TMEM114: variants seen among roughly 807,000 people sequenced by gnomAD.
TMEM114 encodes the protein claudin-26.
In TMEM114, 6 loss-of-function variants were observed where a neutral mutation model predicts 6.2. That is an observed-to-expected ratio of 0.97 (90% CI 0.53 to 1.91). The LOEUF (loss-of-function observed/expected upper bound fraction) is 1.91. Ranked by LOEUF, TMEM114 falls within the 40% of genes most tolerant of loss-of-function variation. TMEM114 has a pLI of 0.01. For missense variants in TMEM114, 218 were observed against 158.3 expected, an observed-to-expected ratio of 1.38 and a Z score of -2.02; for synonymous variants, 104 against 73.0, an observed-to-expected ratio of 1.42 and a Z score of -2.16.
intron 2 of TMEM114, among the ~76,000 whole-genome samples, chr16:8,560,489 C>T (rs947356571): frequency 2.0e-5 from 3 of 152,136 alleles, no homozygotes; most frequent in African/African-American, 4.8e-5. Flanking sequence ...CCATCCTCAG[C>T]GACTAGGGGC....
At chr16:8,529,221 T>C in the TMEM114 span, among the ~76,000 whole-genome samples, 3 of 152,174 alleles carry the variant, frequency 2.0e-5, no homozygotes, top group Non-Finnish European at 2.9e-5. Flanking sequence ...TTCTCTCTTA[T>C]CACTAGCTTT....
chr16:8,549,163 C>G (rs112126536), intron 2 of TMEM114, among the ~76,000 whole-genome samples: 15 of 115,094 alleles, frequency 1.3e-4, no homozygotes, highest in African/African-American at 5.2e-4. Context: ...GCCTGGGCAA[C>G]AGAACGAGAC....
At chr16:8,564,225 AT>A (rs1901427486) in intron 2 of TMEM114, among the ~76,000 whole-genome samples, 1 of 17,572 alleles carries the variant, frequency 5.7e-5, no homozygotes, top group Admixed American at 5.8e-4. Flanking sequence ...GAGTTAGTGA[AT>A]GAGTGAGTTA....
the TMEM114 span, among the ~76,000 whole-genome samples, chr16:8,529,747 C>T: frequency 1.8e-4 from 27 of 151,472 alleles, no homozygotes; most frequent in Non-Finnish European, 3.4e-4. Context: ...AAAAAAAAGT[C>T]CTGATGTCTC....
the TMEM114 span, among the ~76,000 whole-genome samples, chr16:8,531,380 C>A: frequency 0.12 from 18,504 of 152,198 alleles, 1,356 homozygotes; most frequent in Middle Eastern, 0.21. Context: ...CCATTCCAAC[C>A]CCCTCCTTGG....
the TMEM114 span, among the ~76,000 whole-genome samples, chr16:8,530,680 A>T: frequency 6.6e-6 from 1 of 151,892 alleles, no homozygotes; most frequent in Non-Finnish European, 1.5e-5. Context: ...GTTAACCAAT[A>T]GAGGAGGATG....
rs1345862942 is a variant in TMEM114, at chr16:8,569,899, G to A, written c.546C>T (p.Asp182=). ...LEEKALLDQV[D]ISFGWSLALG... ...GGGCCAGGGACCAGCCGAAGCTGATGTCCACCTGGTCCAGGAGGGCCTTCT... is the reference window on the plus strand; with the variant it reads ...GGGCCAGGGACCAGCCGAAGCTGATATCCACCTGGTCCAGGAGGGCCTTCT... The change falls in exon 4 of 4, where the codon GAC becomes GAT. Residue 182 remains aspartate, a synonymous_variant. Coordinates refer to ENST00000620492, the MANE Select transcript of TMEM114 (RefSeq NM_001146336.2). The A allele has an allele frequency of 4.5e-6, 7 of 1,551,218 alleles. No homozygotes were observed. The highest frequency in any genetic ancestry group is 2.0e-5 in the Admixed American group (1 of 51,012).
chr16:8,558,429 G>A (rs1901086955), intron 2 of TMEM114, among the ~76,000 whole-genome samples: 1 of 151,888 alleles, frequency 6.6e-6, no homozygotes, highest in African/African-American at 2.4e-5. Context: ...CCTTCTCTCT[G>A]TGTATCTCTC....
At chr16:8,539,565 A>G (rs1025985820) in intron 2 of TMEM114, among the ~76,000 whole-genome samples, 8 of 152,110 alleles carry the variant, frequency 5.3e-5, no homozygotes, top group African/African-American at 1.9e-4. Context: ...TATCCAAGGA[A>G]AATGACCCCT....
the TMEM114 span, chr16:8,526,627 A>T: frequency 2.0e-5 from 3 of 152,404 alleles, no homozygotes; most frequent in Non-Finnish European, 2.9e-5. Context: ...CCATGATTGT[A>T]AGTTTCCTGA....
chr16:8,537,450 A>T (rs1486398702), downstream of TMEM114, among the ~76,000 whole-genome samples: 1 of 152,164 alleles, frequency 6.6e-6, no homozygotes, highest in Non-Finnish European at 1.5e-5. Context: ...TCAGTGAGCC[A>T]AGACCTCACT....
intron 2 of TMEM114, among the ~76,000 whole-genome samples, chr16:8,558,809 C>T (rs1047282057): frequency 1.3e-5 from 2 of 151,316 alleles, no homozygotes; most frequent in Non-Finnish European, 2.9e-5. Flanking sequence ...GGCATGATCT[C>T]GGCTCACTGC....
intron 2 of TMEM114, among the ~76,000 whole-genome samples, chr16:8,550,633 G>A (rs1182764838): frequency 6.7e-6 from 1 of 149,898 alleles, no homozygotes; most frequent in African/African-American, 2.5e-5. Flanking sequence ...AGCTGAGATC[G>A]CACCATTGCT....
intron 2 of TMEM114, among the ~76,000 whole-genome samples, chr16:8,575,263 T>C (rs1280547187): frequency 2.0e-5 from 3 of 152,206 alleles, no homozygotes; most frequent in Non-Finnish European, 2.9e-5. Context: ...TGCCCACTGA[T>C]CTAGAACTTA....
At chr16:8,544,243 G>A (rs1157730240) in intron 2 of TMEM114, among the ~76,000 whole-genome samples, 1 of 152,186 alleles carries the variant, frequency 6.6e-6, no homozygotes, top group East Asian at 1.9e-4. Context: ...TTGCTTAACA[G>A]ATAAGCACAG....
At chr16:8,538,422 C>T (rs953884649) in intron 2 of TMEM114, among the ~76,000 whole-genome samples, 2 of 152,046 alleles carry the variant, frequency 1.3e-5, no homozygotes, top group Non-Finnish European at 2.9e-5. Context: ...ATCGTGTTCC[C>T]TATTGTACCC....
intron 2 of TMEM114, among the ~76,000 whole-genome samples, chr16:8,539,141 C>T (rs1211876295): frequency 1.3e-5 from 2 of 152,130 alleles, no homozygotes; most frequent in Non-Finnish European, 2.9e-5. Flanking sequence ...CTGGGCATTG[C>T]CATGGAACAT....
intron 2 of TMEM114, among the ~76,000 whole-genome samples, chr16:8,559,625 C>T (rs151130316): frequency 6.6e-6 from 1 of 152,180 alleles, no homozygotes; most frequent in Non-Finnish European, 1.5e-5. Context: ...CTCTTGTGGG[C>T]TCTGAGTACT....
chr16:8,549,356 C>G (rs903104477), intron 2 of TMEM114, among the ~76,000 whole-genome samples: 8 of 151,362 alleles, frequency 5.3e-5, no homozygotes, highest in Admixed American at 1.3e-4. Flanking sequence ...AAAAATTAGC[C>G]CGAAGTGGTG....
Sources: gnomAD v4.1 joint callset for allele counts (sites outside exome capture counted in the v4.1 genomes callset) on GRCh38, gnomAD v4.1.1 for gene constraint, MANE v1.5 for transcripts, NCBI Gene and HGNC (gene_info 2026-07-23, HGNC 2026-07-21) for gene names.